CCDC192: variants seen among roughly 807,000 people sequenced by gnomAD.
The protein encoded by CCDC192 is coiled-coil domain-containing protein 192.
At chr5:127,810,794 T>C (rs1758038576) in intron 5 of CCDC192, among the ~76,000 whole-genome samples, 2 of 152,128 alleles carry the variant, frequency 1.3e-5, no homozygotes, top group African/African-American at 2.4e-5. Flanking sequence ...TCAGGCTCCA[T>C]GTGTCATGTG....
intron 3 of CCDC192, among the ~76,000 whole-genome samples, chr5:127,776,145 G>A (rs1755844707): frequency 1.3e-5 from 2 of 152,220 alleles, no homozygotes; most frequent in African/African-American, 2.4e-5. Context: ...AAGAAGATAG[G>A]AAAATGTGAG....
intron 6 of CCDC192, among the ~76,000 whole-genome samples, chr5:127,882,164 C>T (rs536961068): frequency 2.0e-5 from 3 of 152,322 alleles, no homozygotes; most frequent in Admixed American, 2.0e-4. Flanking sequence ...GCCAGCTACA[C>T]TTTTGAGGGG....
At chr5:127,724,797 C>T (rs1022184777) in intron 2 of CCDC192, among the ~76,000 whole-genome samples, 9 of 144,908 alleles carry the variant, frequency 6.2e-5, no homozygotes, top group African/African-American at 2.3e-4. Flanking sequence ...TGCAGTGAGC[C>T]GAGATAGTGC....
chr5:127,757,235 T>C (rs114547292), intron 3 of CCDC192, among the ~76,000 whole-genome samples: 155 of 152,342 alleles, frequency 1.0e-3, no homozygotes, highest in Admixed American at 2.0e-3. Flanking sequence ...AGTTGCAGGA[T>C]CTGTACATGT....
chr5:127,728,241 A>G (rs746870121), intron 2 of CCDC192, among the ~76,000 whole-genome samples: 2 of 152,164 alleles, frequency 1.3e-5, no homozygotes, highest in Non-Finnish European at 2.9e-5. Context: ...ACACATAATC[A>G]TCAGATTCTC....
At chr5:127,826,432 G>T (rs574151779) in intron 5 of CCDC192, among the ~76,000 whole-genome samples, 126 of 151,748 alleles carry the variant, frequency 8.3e-4, no homozygotes, top group African/African-American at 3.0e-3. Context: ...GCCGTTATTG[G>T]GTATACACAT....
At chr5:127,859,662 T>TTC (rs766411956) in intron 5 of CCDC192, among the ~76,000 whole-genome samples, 7 of 152,028 alleles carry the variant, frequency 4.6e-5, no homozygotes, top group Non-Finnish European at 8.8e-5. Flanking sequence ...TGCTCTCCCA[T>TTC]TCTCTCTTCT....
chr5:127,786,878 A>G (rs892236322), intron 3 of CCDC192: 14 of 462,062 alleles, frequency 3.0e-5, no homozygotes, highest in Non-Finnish European at 4.5e-5. Flanking sequence ...ACTGGTGTAC[A>G]CTAGCACACT....
intron 2 of CCDC192, among the ~76,000 whole-genome samples, chr5:127,717,123 T>C (rs1751668000): frequency 6.6e-6 from 1 of 152,212 alleles, no homozygotes; most frequent in South Asian, 2.1e-4. Flanking sequence ...GAGAAATCTT[T>C]CTTAATATAT....
At chr5:127,923,438 T>C (rs935899728) in intron 6 of CCDC192, among the ~76,000 whole-genome samples, 6 of 151,556 alleles carry the variant, frequency 4.0e-5, no homozygotes, top group South Asian at 2.1e-4. Context: ...AGTGCAGTGG[T>C]GCCATCTTGG....
chr5:127,783,881 A>G (rs917892500), intron 3 of CCDC192, among the ~76,000 whole-genome samples: 1 of 152,208 alleles, frequency 6.6e-6, no homozygotes, highest in African/African-American at 2.4e-5. Context: ...TTACCATCAT[A>G]TAATGTCCCT....
intron 5 of CCDC192, among the ~76,000 whole-genome samples, chr5:127,827,690 G>A (rs909185994): frequency 6.6e-5 from 10 of 152,188 alleles, no homozygotes; most frequent in African/African-American, 2.2e-4. Flanking sequence ...TGTACAATGT[G>A]CAAGGGCTGT....
intron 6 of CCDC192, among the ~76,000 whole-genome samples, chr5:127,876,018 C>T (rs1237371917): frequency 1.3e-5 from 2 of 149,550 alleles, no homozygotes; most frequent in Admixed American, 1.3e-4. Context: ...ACAGAGCTGT[C>T]TGAAAGCACA....
At chr5:127,776,748 T>C (rs1755885666) in intron 3 of CCDC192, among the ~76,000 whole-genome samples, 1 of 152,156 alleles carries the variant, frequency 6.6e-6, no homozygotes, top group Non-Finnish European at 1.5e-5. Flanking sequence ...TTCCAGCCAC[T>C]CCAGTCATGG....
intron 5 of CCDC192, among the ~76,000 whole-genome samples, chr5:127,867,674 A>G (rs1386141633): frequency 6.6e-6 from 1 of 152,184 alleles, no homozygotes; most frequent in Non-Finnish European, 1.5e-5. Flanking sequence ...GTGATTTGAG[A>G]TTGTAAGACC....
chr5:127,795,064 G>A (rs1004621613), intron 3 of CCDC192, among the ~76,000 whole-genome samples: 2 of 152,146 alleles, frequency 1.3e-5, no homozygotes, highest in African/African-American at 2.4e-5. Flanking sequence ...AGGCCGAGGC[G>A]GGCGGATCAC....
chr5:127,912,128 C>T (rs1346461009), intron 6 of CCDC192, among the ~76,000 whole-genome samples: 1 of 148,922 alleles, frequency 6.7e-6, no homozygotes, highest in Non-Finnish European at 1.5e-5. Context: ...GACAGGGTTT[C>T]ACCATATTGG....
At chr5:127,822,738 C>T (rs1273869654) in intron 5 of CCDC192, among the ~76,000 whole-genome samples, 1 of 152,086 alleles carries the variant, frequency 6.6e-6, no homozygotes, top group Admixed American at 6.5e-5. Flanking sequence ...TTTAGGGGTC[C>T]TAGGAAAGAT....
At chr5:127,703,388 A>C, upstream of CCDC192, 1 of 398,902 alleles carries the variant, frequency 2.5e-6, no homozygotes. Flanking sequence ...AACTCTAAAG[A>C]ATGATGCCTG....
Sources: gnomAD v4.1 joint callset for allele counts (sites outside exome capture counted in the v4.1 genomes callset) on GRCh38, gnomAD v4.1.1 for gene constraint, MANE v1.5 for transcripts, NCBI Gene and HGNC (gene_info 2026-07-23, HGNC 2026-07-21) for gene names.